The following ASXL1 variants were observed in gnomAD, a reference collection of about 807,000 sequenced individuals.
ASXL1 encodes ASXL transcriptional regulator 1.
A neutral mutation model predicts 89.1 loss-of-function variants in ASXL1; 65 were observed. The observed-to-expected ratio is 0.73, with a 90% CI of 0.60 to 0.90. The LOEUF (loss-of-function observed/expected upper bound fraction) is 0.90. Ranked by LOEUF, ASXL1 falls within the 40% of genes least tolerant of loss-of-function variation. The pLI, the probability that ASXL1 is intolerant of heterozygous loss-of-function variation, is 0.00. For missense variants in ASXL1, 1,786 were observed against 1,942.9 expected (o/e 0.92, Z 1.52); for synonymous variants, 739 against 746.9 (o/e 0.99, Z 0.17).
At chr20:32,398,755 G>A (rs998348391) in intron 4 of ASXL1, among the ~76,000 whole-genome samples, 5 of 149,726 alleles carry the variant, frequency 3.3e-5, no homozygotes, top group Admixed American at 2.6e-4. Context: ...GACTACAGGC[G>A]CCCGCCACTA....
intron 4 of ASXL1, among the ~76,000 whole-genome samples, chr20:32,385,206 A>G (rs1279477366): frequency 6.6e-6 from 1 of 152,244 alleles, no homozygotes; most frequent in Non-Finnish European, 1.5e-5. Context: ...ATATGTTTCC[A>G]AGTCCTATAA....
intron 4 of ASXL1, among the ~76,000 whole-genome samples, chr20:32,426,536 G>GTTTT (rs1353657083): frequency 1.0e-4 from 10 of 98,832 alleles, no homozygotes; most frequent in Non-Finnish European, 1.6e-4. Flanking sequence ...GTAGAAAACT[G>GTTTT]TTTTCTTTTT....
intron 4 of ASXL1, among the ~76,000 whole-genome samples, chr20:32,389,222 A>G (rs1230030781): frequency 6.6e-6 from 1 of 152,144 alleles, no homozygotes; most frequent in Non-Finnish European, 1.5e-5. Context: ...ATACTGGTGG[A>G]TGTATTTTCT....
intron 4 of ASXL1, among the ~76,000 whole-genome samples, chr20:32,413,851 G>A (rs1426843227): frequency 1.3e-5 from 2 of 152,122 alleles, no homozygotes; most frequent in East Asian, 3.8e-4. Context: ...TTAGTTGTGT[G>A]CGCATTCTCT....
chr20:32,399,410 T>C (rs1600524967), intron 4 of ASXL1, among the ~76,000 whole-genome samples: 1 of 152,000 alleles, frequency 6.6e-6, no homozygotes, highest in African/African-American at 2.4e-5. Context: ...GATTATGATA[T>C]GCCAGTATGG....
At chr20:32,388,280 T>G (rs2048614256) in intron 4 of ASXL1, among the ~76,000 whole-genome samples, 1 of 152,184 alleles carries the variant, frequency 6.6e-6, no homozygotes, top group Non-Finnish European at 1.5e-5. Context: ...GCTTAAGCAA[T>G]TCTCCTGCCT....
rs2011754130 is a variant in ASXL1, at chr20:32,435,251, TC to T, written c.2541del (p.Thr848HisfsTer19). On this transcript the variant is annotated frameshift_variant, in exon 13 of 13. Coordinates refer to ENST00000375687, the MANE Select transcript of ASXL1 (RefSeq NM_015338.6). LOFTEE classifies it low-confidence loss of function (END_TRUNC). ...MKDPVNVTPS[S>X]TPESSPTDCL... ...GGATCCTGTAAATGTGACCCCCAGT[TC>T]CACACCTGAATCCTCACCGACTGAT... 6.2e-7 allele frequency: 1 copy of T among 1,614,062 alleles called. No homozygotes were observed. Among genetic ancestry groups the T allele is most frequent in the Non-Finnish European group, 8.5e-7 (1 of 1,180,014 alleles).
Position 32,435,533 on chromosome 20 carries a change from C to T in ASXL1, c.2821C>T (p.Pro941Ser). ...EKAAPTPPALPGDLTAEEGLD... is the reference protein window; with the variant it reads ...EKAAPTPPALSGDLTAEEGLD... ...AGCTGCTCCCACCCCTCCTGCATTG[C>T]CTGGGGATTTGACAGCTGAGGAGGG... The change falls in exon 13 of 13, where the codon CCT becomes TCT. Residue 941 changes from proline to serine, a missense_variant. Pro to Ser is a moderately conservative substitution (Grantham distance 74, BLOSUM62 -1). This residue lies in a region of ASXL1 where 1,418 missense variants were observed against 1,427.8 expected (regional missense o/e 0.99). Coordinates refer to ENST00000375687, the MANE Select transcript of ASXL1 (RefSeq NM_015338.6). The T allele has an allele frequency of 6.2e-7, 1 of 1,614,074 alleles. No homozygotes were observed. The highest frequency in any genetic ancestry group is 8.5e-7 in the Non-Finnish European group (1 of 1,180,042).
intron 4 of ASXL1, among the ~76,000 whole-genome samples, chr20:32,369,398 G>A (rs1221623334): frequency 6.6e-6 from 1 of 152,034 alleles, no homozygotes; most frequent in Non-Finnish European, 1.5e-5. Flanking sequence ...ACAGGCACAT[G>A]CCACCATGCT....
intron 4 of ASXL1, among the ~76,000 whole-genome samples, chr20:32,398,695 C>T (rs2048814325): frequency 3.4e-5 from 5 of 149,244 alleles, no homozygotes; most frequent in Admixed American, 3.3e-4. Context: ...CTGCAAGCTC[C>T]ACCTGCCGGG....
intron 4 of ASXL1, among the ~76,000 whole-genome samples, chr20:32,380,725 G>A (rs1416932367): frequency 1.3e-5 from 2 of 152,078 alleles, no homozygotes. Context: ...TATCCTGGGC[G>A]ACTAATTGAG....
chr20:32,436,455 C>T lies in ASXL1; in HGVS notation c.3743C>T (p.Ala1248Val), dbSNP rs2145386548. 5 of 1,614,104 alleles carry T rather than the reference C, an allele frequency of 3.1e-6. No individual in the cohort carries two copies. Among genetic ancestry groups the T allele is most frequent in the Non-Finnish European group, 4.2e-6 (5 of 1,180,032 alleles). Residue 1248 changes from alanine to valine, a missense_variant, in exon 13 of 13, where the codon GCT becomes GTT. Physicochemically the swap from Ala to Val is moderately conservative, Grantham distance 64. Transcript: ENST00000375687. Reference protein sequence around the residue: ...FSCEDQKEVRAMSQDSNSNAA... With the variant: ...FSCEDQKEVRVMSQDSNSNAA... ...TGTGAAGATCAGAAGGAAGTCCGTGCTATGTCACAGGACAGTAATTCAAAT... is the reference window on the plus strand; with the variant it reads ...TGTGAAGATCAGAAGGAAGTCCGTGTTATGTCACAGGACAGTAATTCAAAT...
intron 4 of ASXL1, among the ~76,000 whole-genome samples, chr20:32,392,942 T>C (rs1321168461): frequency 6.6e-6 from 1 of 152,198 alleles, no homozygotes; most frequent in East Asian, 1.9e-4. Flanking sequence ...ATGTGTATTC[T>C]ACTGTTGTTA....
intron 4 of ASXL1, among the ~76,000 whole-genome samples, chr20:32,415,222 T>A (rs1447233348): frequency 1.3e-5 from 2 of 152,058 alleles, no homozygotes; most frequent in Admixed American, 1.3e-4. Context: ...TTGGCCAGGC[T>A]GGTCTCGAAC....
intron 4 of ASXL1, among the ~76,000 whole-genome samples, chr20:32,376,579 A>T (rs1367374631): frequency 6.6e-6 from 1 of 151,854 alleles, no homozygotes; most frequent in African/African-American, 2.4e-5. Flanking sequence ...CCCAGCTGAC[A>T]CCAGTTATTT....
intron 1 of ASXL1, chr20:32,360,038 G>A (rs545589963): frequency 1.8e-5 from 9 of 506,130 alleles, no homozygotes; most frequent in African/African-American, 1.6e-4. Flanking sequence ...TTATTTTGAA[G>A]TGAGTTTTCT....
intron 4 of ASXL1, chr20:32,371,743 C>T (rs887654646): frequency 6.7e-6 from 3 of 446,468 alleles, no homozygotes; most frequent in Non-Finnish European, 1.3e-5. Context: ...GTAGCGTACA[C>T]CATCACCCCA....
intron 10 of ASXL1, 33 bp downstream of exon 10, chr20:32,431,712 G>T (rs1436527305): frequency 6.2e-7 from 1 of 1,602,434 alleles, no homozygotes; most frequent in Non-Finnish European, 8.5e-7. Context: ...GACGGCTTGC[G>T]ACGCACCTGT....
rs774235162 is a variant in ASXL1, at chr20:32,369,128, G to A, written c.252+5G>A. ...ATCAGCCTTTTCACGCTCAAGGTAAGTGATATGAACTCTCTTTTGGTGCAG... is the reference window on the plus strand; with the variant it reads ...ATCAGCCTTTTCACGCTCAAGGTAAATGATATGAACTCTCTTTTGGTGCAG... On this transcript the variant is annotated splice_donor_5th_base_variant and intron_variant, in intron 4 of 12. Coordinates refer to ENST00000375687, the MANE Select transcript of ASXL1 (RefSeq NM_015338.6). The A allele has an allele frequency of 1.3e-6, 2 of 1,595,904 alleles. No homozygotes were observed. The highest frequency in any genetic ancestry group is 1.7e-6 in the Non-Finnish European group (2 of 1,163,336).
Sources: gnomAD v4.1 joint callset for allele counts (sites outside exome capture counted in the v4.1 genomes callset) on GRCh38, gnomAD v4.1.1 for gene constraint, gnomAD v4.1.1 regional missense constraint, MANE v1.5 for transcripts, NCBI Gene and HGNC (gene_info 2026-07-23, HGNC 2026-07-21) for gene names.